The following OR6N1 variants were observed in gnomAD, a reference collection of about 807,000 sequenced individuals.
The protein encoded by OR6N1 is olfactory receptor 6N1.
For missense variants in OR6N1, 394 were observed against 371.7 expected, an observed-to-expected ratio of 1.06 and a Z score of -0.49; for synonymous variants, 170 against 150.7, an observed-to-expected ratio of 1.13 and a Z score of -0.94.
chr1:158,798,566 G>A, the OR6N1 span, among the ~76,000 whole-genome samples: 9 of 151,724 alleles, frequency 5.9e-5, no homozygotes, highest in East Asian at 5.8e-4. Flanking sequence ...TATATCACTA[G>A]TAGAAGCAGA....
chr1:158,773,049 T>C (rs1278572928), upstream of OR6N1, among the ~76,000 whole-genome samples: 1 of 152,104 alleles, frequency 6.6e-6, no homozygotes, highest in Non-Finnish European at 1.5e-5. Context: ...AAAAAAGTAC[T>C]TACAAACTAT....
the OR6N1 span, among the ~76,000 whole-genome samples, chr1:158,810,369 C>A: frequency 2.2e-3 from 330 of 152,208 alleles, 12 homozygotes; most frequent in Admixed American, 0.02. Context: ...CTTTCTACCC[C>A]AAGATACTCC....
chr1:158,815,433 C>A, the OR6N1 span, among the ~76,000 whole-genome samples: 22 of 152,010 alleles, frequency 1.4e-4, no homozygotes, highest in Non-Finnish European at 2.5e-4. Context: ...GAGATGACTG[C>A]AATGTAGGAA....
the OR6N1 span, among the ~76,000 whole-genome samples, chr1:158,822,723 T>C: frequency 6.6e-6 from 1 of 152,224 alleles, no homozygotes; most frequent in Non-Finnish European, 1.5e-5. Flanking sequence ...CCGATTGTTC[T>C]GGCCAGGACT....
chr1:158,801,455 A>G, the OR6N1 span, among the ~76,000 whole-genome samples: 2 of 152,178 alleles, frequency 1.3e-5, no homozygotes, highest in Non-Finnish European at 2.9e-5. Context: ...TAAGGGAGAC[A>G]TGCATCAGGA....
the OR6N1 span, among the ~76,000 whole-genome samples, chr1:158,821,988 T>C: frequency 6.6e-6 from 1 of 152,232 alleles, no homozygotes; most frequent in Non-Finnish European, 1.5e-5. Flanking sequence ...TGTGTAGTGG[T>C]ATCTCATTAT....
At chr1:158,800,861 G>A in the OR6N1 span, among the ~76,000 whole-genome samples, 1 of 152,188 alleles carries the variant, frequency 6.6e-6, no homozygotes, top group Non-Finnish European at 1.5e-5. Context: ...CTATGGCTAT[G>A]TTATCCTCAG....
At chr1:158,800,221 G>T in the OR6N1 span, among the ~76,000 whole-genome samples, 2 of 152,098 alleles carry the variant, frequency 1.3e-5, no homozygotes. Context: ...TCACCTAGCT[G>T]CAAATGGTGT....
the OR6N1 span, among the ~76,000 whole-genome samples, chr1:158,780,163 C>A: frequency 6.6e-6 from 1 of 152,296 alleles, no homozygotes; most frequent in Non-Finnish European, 1.5e-5. Context: ...GTTGAAAGAC[C>A]TATCATTGTT....
chr1:158,809,701 G>A, the OR6N1 span, among the ~76,000 whole-genome samples: 1 of 152,134 alleles, frequency 6.6e-6, no homozygotes, highest in Non-Finnish European at 1.5e-5. Flanking sequence ...AACAACATTG[G>A]AGAAGGGAGA....
At chr1:158,814,695 T>A in the OR6N1 span, among the ~76,000 whole-genome samples, 2 of 152,276 alleles carry the variant, frequency 1.3e-5, no homozygotes, top group African/African-American at 4.8e-5. Context: ...TCTGCCCTCA[T>A]GACCTAATCA....
rs1008739269 is a variant in OR6N1, at chr1:158,764,397, A to G, written c.*1347T>C. 2.0e-5 allele frequency: 3 copies of G among 151,692 alleles called. No individual in the cohort carries two copies. The highest frequency in any genetic ancestry group is 4.4e-5 in the Non-Finnish European group (3 of 67,850). The allele number at this position is 151,692 out of a possible 1,614,324, so 9.4% of individuals were successfully genotyped here. A position where few individuals can be genotyped will look rare whatever the true frequency, so the allele number is the denominator to read the frequency against. ...AATTAATTATAATTTTAATATTTAT[A>G]TTCTCAACTCTTTTAAAACACCCTA... On this transcript the variant is annotated 3_prime_UTR_variant, in exon 2 of 2. Transcript: ENST00000641846.
At position 158,771,646 on chromosome 1, in the gene OR6N1, G is replaced by A. The variant is rs1035608254; in HGVS notation, c.-19+375C>T. On this transcript the variant is annotated intron_variant, in intron 1 of 1. Coordinates refer to ENST00000641846, the MANE Select transcript of OR6N1 (RefSeq NM_001005185.2). ...ATTATTCATAGTTCATAATTGTTTA[G>A]GCATAGGGCCAAAGATCTGGGGGTA... is the stretch of plus-strand genomic sequence containing the variant. Among the ~76,000 whole-genome samples the A allele has an allele frequency of 2.6e-5, 4 of 152,098 alleles. No individual in the cohort carries two copies. In the East Asian group the frequency reaches 7.7e-4, roughly 29 times the overall value.
chr1:158,782,780 T>C, the OR6N1 span, among the ~76,000 whole-genome samples: 2 of 151,722 alleles, frequency 1.3e-5, no homozygotes, highest in South Asian at 4.3e-4. Flanking sequence ...GATTGTACAG[T>C]GTTATACGTA....
chr1:158,779,376 T>G, the OR6N1 span, among the ~76,000 whole-genome samples: 2 of 152,192 alleles, frequency 1.3e-5, no homozygotes, highest in Non-Finnish European at 1.5e-5. Flanking sequence ...ATCCTGACAC[T>G]CGTCACAATG....
chr1:158,788,378 T>C, the OR6N1 span, among the ~76,000 whole-genome samples: 1 of 152,192 alleles, frequency 6.6e-6, no homozygotes, highest in South Asian at 2.1e-4. Context: ...ATATAAAATG[T>C]AAACTTTCAT....
rs1412752847 is a variant in OR6N1, at chr1:158,766,109, T to C, written c.574A>G (p.Thr192Ala). The change falls in exon 2 of 2, where the codon ACG (threonine) becomes GCG (alanine). Residue 192 changes from threonine (T) to alanine (A), a missense_variant. Physicochemically the swap from Thr to Ala is moderately conservative, Grantham distance 58. Coordinates refer to ENST00000641846, the MANE Select transcript of OR6N1 (RefSeq NM_001005185.2). ...AAATCTACTAGGACATTTATAGACG[T>C]ATCAGTGCAAGCCAAACTCAGCACA... ...PPVLSLACTDTSINVLVDFVI... is the reference protein window; with the variant it reads ...PPVLSLACTDASINVLVDFVI... 1.2e-6 allele frequency: 2 copies of C among 1,614,134 alleles called. No homozygotes were observed. Among genetic ancestry groups the C allele is most frequent in the South Asian group, 1.1e-5 (1 of 91,086 alleles).
At chr1:158,777,456 G>A in the OR6N1 span, 3 of 1,614,228 alleles carry the variant, frequency 1.9e-6, no homozygotes, top group African/African-American at 4.0e-5. Flanking sequence ...TGACAAAGTG[G>A]TACATAGGTG....
chr1:158,802,087 A>C, the OR6N1 span, among the ~76,000 whole-genome samples: 1 of 152,020 alleles, frequency 6.6e-6, no homozygotes, highest in African/African-American at 2.4e-5. Context: ...GAAGTAAAGC[A>C]GCCCTACTCT....
Sources: gnomAD v4.1 joint callset for allele counts (sites outside exome capture counted in the v4.1 genomes callset) on GRCh38, gnomAD v4.1.1 for gene constraint, MANE v1.5 for transcripts, NCBI Gene and HGNC (gene_info 2026-07-23, HGNC 2026-07-21) for gene names.